Variants in CREB5 observed in about 807,000 individuals in gnomAD.
CREB5 encodes cyclic AMP-responsive element-binding protein 5.
In CREB5, 19 loss-of-function variants were observed where a neutral mutation model predicts 57.1. That is an observed-to-expected ratio of 0.33 (90% CI 0.23 to 0.49). CREB5 has a LOEUF of 0.49. CREB5 is among the 20% of genes least tolerant of loss of function. The probability of loss-of-function intolerance (pLI) is 0.99; values close to 1 mark genes in which losing one functional copy is unlikely to be tolerated. For missense variants in CREB5, 579 were observed against 671.6 expected (o/e 0.86, Z 1.52); for synonymous variants, 238 against 238.3 (o/e 1.00, Z 0.01).
chr7:28,709,353 C>T (rs1802286169), intron 5 of CREB5, among the ~76,000 whole-genome samples: 2 of 151,894 alleles, frequency 1.3e-5, no homozygotes, highest in African/African-American at 4.8e-5. Context: ...GACAATAGTA[C>T]ATTAGAAACC....
intron 1 of CREB5, among the ~76,000 whole-genome samples, chr7:28,426,246 G>T (rs1034120447): frequency 4.6e-5 from 7 of 152,168 alleles, no homozygotes; most frequent in African/African-American, 1.7e-4. Context: ...GGAAAATAAG[G>T]CTTAGAGGTT....
At chr7:28,364,279 C>A (rs147134761) in intron 1 of CREB5, among the ~76,000 whole-genome samples, 1,594 of 152,266 alleles carry the variant, frequency 0.01, 21 homozygotes, top group Middle Eastern at 0.02. Flanking sequence ...CACAACTGCT[C>A]CCTGGTGGTG....
intron 1 of CREB5, among the ~76,000 whole-genome samples, chr7:28,358,484 T>C (rs1458597222): frequency 1.3e-5 from 2 of 152,236 alleles, no homozygotes; most frequent in African/African-American, 2.4e-5. Context: ...TCACCACTTA[T>C]TAGCAGATGG....
chr7:28,691,651 G>T (rs1019417841), intron 5 of CREB5, among the ~76,000 whole-genome samples: 2 of 152,044 alleles, frequency 1.3e-5, no homozygotes, highest in African/African-American at 4.8e-5. Context: ...GGTCCAAGAG[G>T]CACCTTGAGA....
chr7:28,792,176 C>T (rs187714703), intron 7 of CREB5, among the ~76,000 whole-genome samples: 98 of 152,080 alleles, frequency 6.4e-4, no homozygotes, highest in African/African-American at 2.2e-3. Flanking sequence ...TGGTTACAAT[C>T]GCCTGTAATC....
chr7:28,321,606 C>A (rs942784790), intron 1 of CREB5, among the ~76,000 whole-genome samples: 2 of 152,114 alleles, frequency 1.3e-5, no homozygotes, highest in Non-Finnish European at 2.9e-5. Context: ...TGTGTCCAGC[C>A]TTTTGCCAGG....
chr7:28,523,124 C>T (rs148875671), intron 4 of CREB5, among the ~76,000 whole-genome samples: 53 of 152,294 alleles, frequency 3.5e-4, no homozygotes, highest in African/African-American at 1.1e-3. Context: ...GAGGAAAGCA[C>T]GCTTGGGTGA....
At chr7:28,313,778 C>T (rs976515930) in intron 1 of CREB5, among the ~76,000 whole-genome samples, 4 of 152,072 alleles carry the variant, frequency 2.6e-5, no homozygotes, top group South Asian at 4.2e-4. Flanking sequence ...ATTTCAGCAA[C>T]GAAATGCATA....
rs550210496 is a variant in CREB5, at chr7:28,399,004, C to T, written c.-24-95902C>T. Among the ~76,000 whole-genome samples the T allele has an allele frequency of 1.6e-4, 25 of 152,188 alleles. 1 individual carries two copies. The highest frequency in any genetic ancestry group is 5.9e-5 in the Non-Finnish European group (4 of 68,046). On this transcript the variant is annotated intron_variant, in intron 1 of 9. Coordinates refer to the CREB5 transcript ENST00000396299. ...ATGCTGGGATTACAAGCATGAGCCA[C>T]CGCACCTGGTCTAATATTTTTTCTT...
chr7:28,556,048 G>A (rs1333669559), intron 4 of CREB5, among the ~76,000 whole-genome samples: 3 of 152,132 alleles, frequency 2.0e-5, no homozygotes, highest in Admixed American at 6.5e-5. Context: ...ATAAAAATAC[G>A]GATGTCACTG....
chr7:28,345,741 CTGA>C (rs1341467177), intron 1 of CREB5, among the ~76,000 whole-genome samples: 2 of 152,170 alleles, frequency 1.3e-5, no homozygotes, highest in Non-Finnish European at 2.9e-5. Context: ...GTGGGAGCTG[CTGA>C]TGCCAGATGA....
chr7:28,378,250 A>G (rs1307235279), intron 1 of CREB5, among the ~76,000 whole-genome samples: 1 of 152,016 alleles, frequency 6.6e-6, no homozygotes, highest in East Asian at 1.9e-4. Flanking sequence ...TTAAAAGTTA[A>G]GACCTATTAG....
intron 4 of CREB5, among the ~76,000 whole-genome samples, chr7:28,555,791 G>A (rs1287702521): frequency 6.6e-6 from 1 of 152,202 alleles, no homozygotes; most frequent in African/African-American, 2.4e-5. Flanking sequence ...AGCAATATGG[G>A]TGTTGTTCTT....
intron 6 of CREB5, among the ~76,000 whole-genome samples, chr7:28,723,650 T>A (rs1450743105): frequency 1.3e-5 from 2 of 152,110 alleles, no homozygotes; most frequent in Non-Finnish European, 2.9e-5. Flanking sequence ...TGAACTAGGG[T>A]GACAGGAAGG....
intron 1 of CREB5, among the ~76,000 whole-genome samples, chr7:28,433,678 TATCTTTAAA>T (rs1788822596): frequency 6.6e-6 from 1 of 152,118 alleles, no homozygotes; most frequent in Non-Finnish European, 1.5e-5. Context: ...ATGCACCCTT[TATCTTTAAA>T]ATCTAGAAGC....
chr7:28,606,295 G>A (rs960867701), intron 5 of CREB5, among the ~76,000 whole-genome samples: 8 of 151,916 alleles, frequency 5.3e-5, no homozygotes, highest in African/African-American at 1.9e-4. Flanking sequence ...CATGCTTGTG[G>A]GTAGAATTAT....
rs1795171190 is a variant in CREB5 at position 28,560,909 on chromosome 7, CGTGTGCGT to C, written c.292-9448_292-9441del. On this transcript the variant is annotated intron_variant, in intron 4 of 10. Coordinates refer to ENST00000357727, the MANE Select transcript of CREB5 (RefSeq NM_182898.4). Reference sequence around the variant, plus strand: ...GTGCGTGTGTGTGCGTGCGCGCGTGCGTGTGCGTGTGTGCGCGTGCGTGTGTGCGTGCG... The same window carrying C: ...GTGCGTGTGTGTGCGTGCGCGCGTGCGTGTGCGCGTGCGTGTGTGCGTGCG... 1.4e-3 allele frequency among the ~76,000 whole-genome samples: 45 copies of C among 32,688 alleles called. 3 individuals are homozygous for C. The highest frequency in any genetic ancestry group is 5.4e-3 in the African/African-American group (33 of 6,104). 21.4% of individuals were successfully genotyped at this position (32,688 alleles called of 152,430 possible).
At chr7:28,622,686 G>A (rs1797850748) in intron 5 of CREB5, among the ~76,000 whole-genome samples, 1 of 151,902 alleles carries the variant, frequency 6.6e-6, no homozygotes, top group South Asian at 2.1e-4. Flanking sequence ...CTTATTTATG[G>A]GCACACAAGC....
At chr7:28,637,560 TTAGG>T (rs1439421417) in intron 5 of CREB5, among the ~76,000 whole-genome samples, 1 of 152,014 alleles carries the variant, frequency 6.6e-6, no homozygotes, top group Non-Finnish European at 1.5e-5. Flanking sequence ...TTTAGATAGA[TTAGG>T]TAGGAAAAGC....
Sources: allele counts gnomAD v4.1 joint callset (sites outside exome capture counted in the v4.1 genomes callset), GRCh38; gene constraint gnomAD v4.1.1; transcripts MANE v1.5; gene names NCBI Gene and HGNC (gene_info 2026-07-23, HGNC 2026-07-21).